CLTCL1: variants seen among roughly 807,000 people sequenced by gnomAD.
CLTCL1 encodes the protein clathrin heavy chain 2.
A neutral mutation model predicts 190.0 loss-of-function variants in CLTCL1; 159 were observed. The ratio of observed to expected loss-of-function variants is 0.84; its 90% CI spans 0.74 to 0.95. CLTCL1 has a LOEUF of 0.95. Ranked by LOEUF, CLTCL1 falls within the 40% of genes least tolerant of loss-of-function variation. The pLI, the probability that CLTCL1 is intolerant of heterozygous loss-of-function variation, is 0.00. For missense variants in CLTCL1, 1,878 were observed against 2,033.4 expected, an observed-to-expected ratio of 0.92 and a Z score of 1.47; for synonymous variants, 752 against 769.6, an observed-to-expected ratio of 0.98 and a Z score of 0.38.
At position 19,196,489 on chromosome 22, in the gene CLTCL1, C is replaced by T; in HGVS notation, c.4041G>A (p.Lys1347=). ...CCAGACTGCAAGGAGTACACGGTAC[C>T]TTTGGGATGTTGACACGGGACCAGA... ...ELFWSRVNIP[K]VLRAAEQAHL... The change falls in exon 25 of 33, where the codon AAG becomes AAA. Residue 1347 remains lysine (K), a splice_region_variant and synonymous_variant. Coordinates refer to ENST00000427926, the MANE Select transcript of CLTCL1 (RefSeq NM_007098.4). 1 of 1,614,058 alleles carries T rather than the reference C, an allele frequency of 6.2e-7. No homozygotes were observed. The highest frequency in any genetic ancestry group is 8.5e-7 in the Non-Finnish European group (1 of 1,179,900).
chr22:19,186,571 C>T (rs889187700), intron 29 of CLTCL1, among the ~76,000 whole-genome samples: 1 of 151,556 alleles, frequency 6.6e-6, no homozygotes, highest in Non-Finnish European at 1.5e-5. Context: ...AGCTTTGAAA[C>T]AAATGTTTTG....
At position 19,217,562 on chromosome 22, in the gene CLTCL1, G is replaced by A. The variant is rs1312676106; in HGVS notation, c.2920-1306C>T. ...ACCCGGAAGGCGGAGCTTGCAGTGAGCCGAGATCGCGCCACTGTACTCCAG... is the reference window on the plus strand; with the variant it reads ...ACCCGGAAGGCGGAGCTTGCAGTGAACCGAGATCGCGCCACTGTACTCCAG... On this transcript the variant is annotated intron_variant, in intron 18 of 32. Transcript: ENST00000427926. Among the ~76,000 whole-genome samples the A allele has an allele frequency of 2.9e-5, 4 of 138,452 alleles. No individual in the cohort carries two copies. In the East Asian group the frequency reaches 9.2e-4, roughly 32 times the overall value. 90.8% of individuals were successfully genotyped at this position (138,452 alleles called of 152,430 possible). A position where few individuals can be genotyped will look rare whatever the true frequency, so the allele number is the denominator to read the frequency against.
At chr22:19,272,763 C>T (rs1209424365) in intron 2 of CLTCL1, among the ~76,000 whole-genome samples, 10 of 152,146 alleles carry the variant, frequency 6.6e-5, no homozygotes, top group South Asian at 2.1e-4. Flanking sequence ...TGAGCCACCA[C>T]GCCCGGCCTT....
Position 19,221,407 on chromosome 22 carries a change from C to T in CLTCL1, c.2766G>A (p.Glu922=). The change falls in exon 17 of 33, where the codon GAG becomes GAA. Residue 922 remains glutamate, a synonymous_variant. Coordinates refer to ENST00000427926, the MANE Select transcript of CLTCL1 (RefSeq NM_007098.4). The part of the protein sequence containing the change: ...RDPHLACVAY[E]RGQCDLELIK... ...TGAGCTCAAGGTCACACTGCCCCCG[C>T]TCATAGGCAACACAGGCCAGATGGG... is the stretch of plus-strand genomic sequence containing the variant. The T allele has an allele frequency of 6.4e-7, 1 of 1,556,152 alleles. No homozygotes were observed.
intron 18 of CLTCL1, among the ~76,000 whole-genome samples, chr22:19,217,135 A>G (rs1405176113): frequency 2.6e-5 from 4 of 152,192 alleles, no homozygotes; most frequent in Admixed American, 6.5e-5. Flanking sequence ...CATAAGATGC[A>G]AAAGTTCTAC....
chr22:19,272,324 G>T (rs2087347152), intron 2 of CLTCL1, among the ~76,000 whole-genome samples: 1 of 152,192 alleles, frequency 6.6e-6, no homozygotes, highest in African/African-American at 2.4e-5. Context: ...TGGGTACTGG[G>T]TAAGTGAATC....
intron 26 of CLTCL1, among the ~76,000 whole-genome samples, chr22:19,192,721 C>T (rs894654377): frequency 6.6e-6 from 1 of 152,212 alleles, no homozygotes; most frequent in Admixed American, 6.5e-5. Flanking sequence ...TGTGCTAGAG[C>T]ACTCACTGTC....
intron 3 of CLTCL1, among the ~76,000 whole-genome samples, chr22:19,245,273 A>T (rs1190745000): frequency 1.4e-5 from 2 of 145,026 alleles, no homozygotes; most frequent in Non-Finnish European, 3.0e-5. Context: ...GGCTCACCAC[A>T]ACCTCCACCT....
At chr22:19,193,594 G>T (rs1190828375) in intron 26 of CLTCL1, among the ~76,000 whole-genome samples, 20 of 152,220 alleles carry the variant, frequency 1.3e-4, no homozygotes, top group African/African-American at 4.6e-4. Context: ...CTGAAGGCTG[G>T]GCGTGGTGGC....
rs150055374 is a variant in CLTCL1 at position 19,187,435 on chromosome 22, A to G, written c.4605+123T>C. The G allele has an allele frequency of 3.4e-4, 322 of 936,280 alleles. 1 individual carries two copies. Among genetic ancestry groups the G allele is most frequent in the African/African-American group, 2.0e-3 (119 of 60,978 alleles). 58.0% of individuals were successfully genotyped at this position (936,280 alleles called of 1,614,324 possible). The stretch of plus-strand genomic sequence containing the variant: ...AATACTAATCCCCCCACCCACCACG[A>G]GGATCCCCTGGTGAAGCTCAGAGCC... On this transcript the variant is annotated intron_variant, in intron 29 of 32. Coordinates refer to ENST00000427926, the MANE Select transcript of CLTCL1 (RefSeq NM_007098.4).
chr22:19,243,408 G>A lies in CLTCL1; in HGVS notation c.520-472C>T, dbSNP rs376504122. Among the ~76,000 whole-genome samples the A allele has an allele frequency of 3.9e-5, 6 of 152,120 alleles. No individual in the cohort carries two copies. The East Asian group carries it at 7.7e-4, about 20-fold the overall frequency. ...CACCTTGGGAGAATCACTTGAGGCC[G>A]AGAGTTCAAGACTAGTCTGGGCAAC... On this transcript the variant is annotated intron_variant, in intron 3 of 32. Transcript: ENST00000427926.
chr22:19,245,431 A>G (rs1024200029), intron 3 of CLTCL1, among the ~76,000 whole-genome samples: 3 of 152,032 alleles, frequency 2.0e-5, no homozygotes, highest in African/African-American at 7.2e-5. Context: ...TGATCTCATG[A>G]TCTGTCCACC....
chr22:19,255,729 G>A (rs1230070186), intron 2 of CLTCL1, among the ~76,000 whole-genome samples: 1 of 150,604 alleles, frequency 6.6e-6, no homozygotes, highest in Non-Finnish European at 1.5e-5. Flanking sequence ...GGCCAACATG[G>A]TGAAACCCCG....
chr22:19,185,878 T>G (rs527622185), intron 29 of CLTCL1, among the ~76,000 whole-genome samples: 1 of 152,292 alleles, frequency 6.6e-6, no homozygotes, highest in South Asian at 2.1e-4. Context: ...CCCAGCTGTC[T>G]CCTCCCAGCA....
chr22:19,232,564 C>G lies in CLTCL1; in HGVS notation c.1556G>C (p.Arg519Thr), dbSNP rs1404093926. 3.7e-6 allele frequency: 6 copies of G among 1,613,714 alleles called. No homozygotes were observed. In the African/African-American group the frequency reaches 8.0e-5, roughly 22 times the overall value. ...GYTPDWIFLL[R>T]GVMKISPEQG... Reference sequence around the variant, plus strand: ...TTCCGGACTGATCTTCATTACACCCCTCAGCAGAAAGATCCAGTCTGGGGT... The same window carrying G: ...TTCCGGACTGATCTTCATTACACCCGTCAGCAGAAAGATCCAGTCTGGGGT... The change falls in exon 10 of 33, where the codon AGG becomes ACG. Residue 519 changes from arginine (R) to threonine (T), a missense_variant. By Grantham distance (71) the Arg-to-Thr change is moderately conservative (BLOSUM62 -1). Coordinates refer to ENST00000427926, the MANE Select transcript of CLTCL1 (RefSeq NM_007098.4).
In CLTCL1 at chr22:19,183,537, T is replaced by C; in HGVS notation, c.4680A>G (p.Glu1560=). The C allele has an allele frequency of 6.2e-7, 1 of 1,613,812 alleles. No individual in the cohort carries two copies. The highest frequency in any genetic ancestry group is 1.1e-5 in the South Asian group (1 of 91,090). The change falls in exon 30 of 33, where the codon GAA becomes GAG. Residue 1560 remains glutamate (E), a synonymous_variant. Coordinates refer to ENST00000427926, the MANE Select transcript of CLTCL1 (RefSeq NM_007098.4). ...AQKLLQWFLE[E]GKRECFAACL... ...AAGCTGCGAAGCACTCCCTCTTGCC[T>C]TCCTCCAGGAACCACTGCAGCAACT...
chr22:19,251,489 G>A (rs1190002963), intron 3 of CLTCL1, among the ~76,000 whole-genome samples: 3 of 151,980 alleles, frequency 2.0e-5, no homozygotes, highest in East Asian at 1.9e-4. Context: ...ACGGAGTCTC[G>A]CTCTTTTGCC....
chr22:19,236,592 C>G (rs809416), intron 5 of CLTCL1, among the ~76,000 whole-genome samples: 1 of 152,082 alleles, frequency 6.6e-6, no homozygotes, highest in Non-Finnish European at 1.5e-5. Flanking sequence ...GATTTTACCA[C>G]TGGAAGAGAC....
At chr22:19,210,197 GA>G in intron 20 of CLTCL1, 128 bp downstream of exon 20, 1 of 836,290 alleles carries the variant, frequency 1.2e-6, no homozygotes, top group Non-Finnish European at 1.8e-6. Flanking sequence ...GAGGAACAGA[GA>G]AGAGCACGAA....
Sources: allele counts gnomAD v4.1 joint callset (sites outside exome capture counted in the v4.1 genomes callset), GRCh38; gene constraint gnomAD v4.1.1; transcripts MANE v1.5; gene names NCBI Gene and HGNC (gene_info 2026-07-23, HGNC 2026-07-21).